Variants in KIAA1755 observed in about 807,000 individuals in gnomAD.
The protein encoded by KIAA1755 is uncharacterized protein KIAA1755.
In KIAA1755, 68 loss-of-function variants were observed where a neutral mutation model predicts 91.7. That is an observed-to-expected ratio of 0.74 (90% CI 0.61 to 0.91). KIAA1755 has a LOEUF of 0.91. KIAA1755 is among the 40% of genes least tolerant of loss of function. The probability of loss-of-function intolerance (pLI) is 0.00; values close to 1 mark genes in which losing one functional copy is unlikely to be tolerated. For synonymous variants in KIAA1755, 610 were observed against 604.6 expected, an observed-to-expected ratio of 1.01 and a Z score of -0.13; for missense variants, 1,535 against 1,494.4, an observed-to-expected ratio of 1.03 and a Z score of -0.45.
intron 1 of KIAA1755, 176 bp downstream of exon 1, chr20:38,260,322 C>T: frequency 6.4e-7 from 1 of 1,555,884 alleles, no homozygotes; most frequent in Non-Finnish European, 8.7e-7. Flanking sequence ...CAGAGATGGG[C>T]TCCTGCCCTT....
rs2076056676 is a variant in KIAA1755, at chr20:38,241,245, T to C, written c.886A>G (p.Thr296Ala). Residue 296 changes from threonine (T) to alanine (A), a missense_variant, in exon 3 of 14, where the codon ACA (threonine) becomes GCA (alanine). Thr to Ala is a moderately conservative substitution (Grantham distance 58). Transcript: ENST00000279024. The part of the protein sequence containing the change: ...RGESPSREAG[T>A]SSGCTSGALE... ...GCCCCAGAAGTACACCCACTGGATG[T>C]GCCTGCCTCCCTACTGGGAGACTCT... The C allele has an allele frequency of 1.9e-6, 3 of 1,614,066 alleles. No individual in the cohort carries two copies. In the African/African-American group the frequency reaches 4.0e-5, roughly 22 times the overall value.
intron 11 of KIAA1755, among the ~76,000 whole-genome samples, 168 bp downstream of exon 11, chr20:38,219,462 G>A (rs1015472977): frequency 1.3e-5 from 2 of 152,232 alleles, no homozygotes; most frequent in African/African-American, 2.4e-5. Flanking sequence ...TGAGCACCAG[G>A]TCATGTGCTA....
intron 8 of KIAA1755, among the ~76,000 whole-genome samples, chr20:38,224,936 C>G (rs1363089094): frequency 6.6e-6 from 1 of 152,176 alleles, no homozygotes; most frequent in East Asian, 1.9e-4. Flanking sequence ...GAACCAGACC[C>G]TGAGCTTCCT....
chr20:38,214,699 G>C (rs373177871), intron 13 of KIAA1755, among the ~76,000 whole-genome samples: 1 of 152,172 alleles, frequency 6.6e-6, no homozygotes, highest in African/African-American at 2.4e-5. Context: ...CACCAGGCCC[G>C]CAGGCCCCCT....
rs1289604423 is a variant in KIAA1755 at position 38,210,997 on chromosome 20, C to G, written c.*2045G>C. Reference sequence around the variant, plus strand: ...AGCCCCGGGTGTTCCCCAAATGCACCCCCACTTTGCTGAGTCACACAGGAA... The same window carrying G: ...AGCCCCGGGTGTTCCCCAAATGCACGCCCACTTTGCTGAGTCACACAGGAA... On this transcript the variant is annotated 3_prime_UTR_variant, in exon 14 of 14. Coordinates refer to ENST00000279024, the MANE Select transcript of KIAA1755 (RefSeq NM_001029864.2). 2 of 152,212 alleles carry G rather than the reference C, an allele frequency of 1.3e-5. No individual in the cohort carries two copies. Among genetic ancestry groups the G allele is most frequent in the African/African-American group, 4.8e-5 (2 of 41,436 alleles). 9.4% of individuals were successfully genotyped at this position (152,212 alleles called of 1,614,324 possible).
chr20:38,241,874 T>A lies in KIAA1755; in HGVS notation c.257A>T (p.Asp86Val). 1 of 1,613,896 alleles carries A rather than the reference T, an allele frequency of 6.2e-7. No homozygotes were observed. The highest frequency in any genetic ancestry group is 8.5e-7 in the Non-Finnish European group (1 of 1,180,016). The stretch of plus-strand genomic sequence containing the variant: ...GGGTGCCAAGTGGACCACAACTTCA[T>A]CCCTCAGACAGAGTGGCCAGCCCTC... The part of the protein sequence containing the change: ...LHEGWPLCLR[D>V]EVVVHLAPLN... The change falls in exon 3 of 14, where the codon GAT (aspartate) becomes GTT (valine). Residue 86 changes from aspartate to valine, a missense_variant. By Grantham distance (152) the Asp-to-Val change is radical (BLOSUM62 -3). Transcript: ENST00000279024.
chr20:38,242,583 A>C (rs1192121192), intron 2 of KIAA1755, among the ~76,000 whole-genome samples: 1 of 152,378 alleles, frequency 6.6e-6, no homozygotes, highest in Middle Eastern at 3.4e-3. Flanking sequence ...TGCACAGAGC[A>C]CTTACATCAG....
At chr20:38,239,414 C>T (rs532375189) in intron 4 of KIAA1755, 114 bp downstream of exon 4, 1,173 of 906,948 alleles carry the variant, frequency 1.3e-3, no homozygotes, top group Non-Finnish European at 1.9e-3. Flanking sequence ...GAGGCTTGGT[C>T]TAGAACCTAG....
rs753276950 is a variant in KIAA1755 at position 38,241,949 on chromosome 20, G to C, written c.202-20C>G. On this transcript the variant is annotated intron_variant, in intron 2 of 13. Coordinates refer to ENST00000279024, the MANE Select transcript of KIAA1755 (RefSeq NM_001029864.2). The stretch of plus-strand genomic sequence containing the variant: ...GGGAGCCTGTGGAGAGAAGGGGATG[G>C]CATCAGAGAACCTGGCCCTGAAAGG... 24 of 1,596,690 alleles carry C rather than the reference G, an allele frequency of 1.5e-5. No individual in the cohort carries two copies. The highest frequency in any genetic ancestry group is 2.0e-5 in the Non-Finnish European group (24 of 1,170,928).
At chr20:38,242,558 A>G (rs1013562109) in intron 2 of KIAA1755, among the ~76,000 whole-genome samples, 6 of 152,254 alleles carry the variant, frequency 3.9e-5, no homozygotes, top group African/African-American at 1.4e-4. Context: ...TATTTAGACT[A>G]GCCTATCTTA....
intron 1 of KIAA1755, among the ~76,000 whole-genome samples, chr20:38,256,742 G>A (rs969562932): frequency 1.3e-5 from 2 of 152,132 alleles, no homozygotes; most frequent in African/African-American, 2.4e-5. Context: ...GATAGAGGCT[G>A]CAGTGAGCTA....
chr20:38,214,578 A>G (rs755421065), intron 13 of KIAA1755, among the ~76,000 whole-genome samples: 17 of 152,316 alleles, frequency 1.1e-4, no homozygotes, highest in Middle Eastern at 6.8e-3. Context: ...CAAGTCAGGG[A>G]GGAGCTGGGA....
rs188673145 is a variant in KIAA1755 at position 38,259,474 on chromosome 20, C to T, written c.3+1024G>A. Among the ~76,000 whole-genome samples the T allele has an allele frequency of 1.7e-4, 26 of 149,336 alleles. 1 individual carries two copies. The highest frequency in any genetic ancestry group is 6.5e-4 in the South Asian group (3 of 4,648). On this transcript the variant is annotated intron_variant, in intron 1 of 13. Coordinates refer to ENST00000279024, the MANE Select transcript of KIAA1755 (RefSeq NM_001029864.2). ...ATGTGTATGTGTGTGTGCATGTGTA[C>T]GTGTGTGTGCATGTGTACGTGTGTG...
Position 38,210,725 on chromosome 20 carries a change from T to C in KIAA1755, c.*2317A>G, listed in dbSNP as rs1427995216. 6.6e-6 allele frequency: 1 copy of C among 152,228 alleles called. No individual in the cohort carries two copies. The highest frequency in any genetic ancestry group is 1.5e-5 in the Non-Finnish European group (1 of 68,054). The allele number at this position is 152,228 out of a possible 1,614,324, so 9.4% of individuals were successfully genotyped here. On this transcript the variant is annotated 3_prime_UTR_variant, in exon 14 of 14. Coordinates refer to ENST00000279024, the MANE Select transcript of KIAA1755 (RefSeq NM_001029864.2). ...CCCCCCTTCCTTCTAGCAGTAGCTGTGGTCTCTCACAAGTCAGTTTCCATC... is the reference window on the plus strand; with the variant it reads ...CCCCCCTTCCTTCTAGCAGTAGCTGCGGTCTCTCACAAGTCAGTTTCCATC...
rs2076067860 is a variant in KIAA1755 at position 38,241,627 on chromosome 20, T to C, written c.504A>G (p.Ala168=). 1 of 1,614,242 alleles carries C rather than the reference T, an allele frequency of 6.2e-7. No individual in the cohort carries two copies. The highest frequency in any genetic ancestry group is 1.6e-4 in the Middle Eastern group (1 of 6,062). ...EGNPLHNCLV[A]SENGIAPVPW... ...GCACAGGGGCAATCCCATTTTCTGA[T>C]GCTACCAAGCAGTTGTGTAGGGGAT... The change falls in exon 3 of 14, where the codon GCA becomes GCG. Residue 168 remains alanine (A), a synonymous_variant. Coordinates refer to ENST00000279024, the MANE Select transcript of KIAA1755 (RefSeq NM_001029864.2).
At position 38,213,654 on chromosome 20, in the gene KIAA1755, G is replaced by C. The variant is rs1462082792; in HGVS notation, c.2991C>G (p.Arg997=). 3.1e-6 allele frequency: 5 copies of C among 1,607,488 alleles called. No homozygotes were observed. The highest frequency in any genetic ancestry group is 3.4e-5 in the Admixed American group (2 of 59,490). ...TSRVSPGDQR[R]LHRYLQRLAS... is the part of the protein sequence containing the mutation. Reference sequence around the variant, plus strand: ...CCAGTCGCTGCAGGTAGCGGTGGAGGCGGCGCTGGTCCCCAGGACTGACCC... The same window carrying C: ...CCAGTCGCTGCAGGTAGCGGTGGAGCCGGCGCTGGTCCCCAGGACTGACCC... Residue 997 remains arginine (R), a synonymous_variant, in exon 14 of 14, where the codon CGC becomes CGG. Coordinates refer to ENST00000279024, the MANE Select transcript of KIAA1755 (RefSeq NM_001029864.2).
intron 13 of KIAA1755, among the ~76,000 whole-genome samples, chr20:38,214,723 C>G (rs1182016408): frequency 6.6e-6 from 1 of 152,238 alleles, no homozygotes; most frequent in Admixed American, 6.5e-5. Context: ...TCCAGCCGAG[C>G]CTCTGCCTCA....
At chr20:38,229,284 T>C (rs757514009) in intron 5 of KIAA1755, among the ~76,000 whole-genome samples, 10 of 152,320 alleles carry the variant, frequency 6.6e-5, no homozygotes, top group Non-Finnish European at 1.2e-4. Context: ...TTATGGGCTG[T>C]AGTGAGGACT....
chr20:38,251,885 C>A (rs2076256624), intron 1 of KIAA1755, among the ~76,000 whole-genome samples: 1 of 152,120 alleles, frequency 6.6e-6, no homozygotes, highest in Non-Finnish European at 1.5e-5. Context: ...TCTTAAGTAT[C>A]ATTTTCGTCA....
Sources: allele counts gnomAD v4.1 joint callset (sites outside exome capture counted in the v4.1 genomes callset), GRCh38; gene constraint gnomAD v4.1.1; transcripts MANE v1.5; gene names NCBI Gene and HGNC (gene_info 2026-07-23, HGNC 2026-07-21).